The following TOMT variants were observed in gnomAD, a reference collection of about 807,000 sequenced individuals.
TOMT encodes transmembrane O-methyltransferase.
TOMT carries 23 observed loss-of-function variants against 21.7 expected under a neutral mutation model. The observed-to-expected ratio is 1.06, with a 90% CI of 0.76 to 1.50. The LOEUF is 1.50. Among genes scored for constraint, TOMT ranks in the 40% most tolerant of loss-of-function variants. The pLI is 0.00. For missense variants in TOMT, 331 were observed against 348.7 expected (o/e 0.95, Z 0.41); for synonymous variants, 132 against 150.8 (o/e 0.88, Z 0.91).
rs190770810 is a variant in TOMT, at chr11:72,106,582, A to C, written c.259+372A>C. On this transcript the variant is annotated intron_variant, in intron 1 of 2. Coordinates refer to ENST00000541899, the Ensembl canonical transcript of TOMT. ...TCCTCTCCACCATGGAGGCTTCCACATACCATTTAGGGTAGCTGTCTGCCT... is the reference window on the plus strand; with the variant it reads ...TCCTCTCCACCATGGAGGCTTCCACCTACCATTTAGGGTAGCTGTCTGCCT... 555 of 168,432 alleles carry C rather than the reference A, an allele frequency of 3.3e-3. 4 individuals carry two copies. Among genetic ancestry groups the C allele is most frequent in the African/African-American group, 0.013 (535 of 42,214 alleles). 10.4% of individuals were successfully genotyped at this position (168,432 alleles called of 1,614,324 possible).
At position 72,108,602 on chromosome 11, in the gene TOMT, C is replaced by T; in HGVS notation, c.457-3C>T. The T allele has an allele frequency of 2.1e-6, 3 of 1,453,372 alleles. No homozygotes were observed. The highest frequency in any genetic ancestry group is 2.9e-5 in the South Asian group (2 of 68,794). The allele number at this position is 1,453,372 out of a possible 1,614,324, so 90.0% of individuals were successfully genotyped here. A position where few individuals can be genotyped will look rare whatever the true frequency, so the allele number is the denominator to read the frequency against. On this transcript the variant is annotated splice_polypyrimidine_tract_variant and splice_region_variant and intron_variant, in intron 2 of 2. Transcript: ENST00000541899. ...TCACCTCCAGCTCCCCCTATCCCCA[C>T]AGGTGGAGCTCATCGTGGGCAGCTC...
chr11:72,108,158 C>T (rs1372151951), intron 2 of TOMT, 39 bp downstream of exon 2: 1 of 1,450,754 alleles, frequency 6.9e-7, no homozygotes, highest in Non-Finnish European at 9.1e-7. Flanking sequence ...TTTTGTCACC[C>T]CAGGCCTTGC....
Position 72,108,122 on chromosome 11 carries a change from C to A in TOMT, c.456+3C>A. ...TGGCCGGCTTTGATGAGCACATGGT[C>A]AGCCTCCCATCTCCCCAACCCAGAT... On this transcript the variant is annotated splice_donor_region_variant and intron_variant, in intron 2 of 2. Coordinates refer to ENST00000541899, the Ensembl canonical transcript of TOMT. The A allele has an allele frequency of 1.3e-6, 2 of 1,495,978 alleles. No individual in the cohort carries two copies. Among genetic ancestry groups the A allele is most frequent in the South Asian group, 1.3e-5 (1 of 75,684 alleles). 92.7% of individuals were successfully genotyped at this position (1,495,978 alleles called of 1,614,324 possible). A position where few individuals can be genotyped will look rare whatever the true frequency, so the allele number is the denominator to read the frequency against.
chr11:72,107,884 A>G, intron 1 of TOMT, 39 bp from the exon 2 acceptor site: 1 of 1,550,008 alleles, frequency 6.5e-7, no homozygotes, highest in Non-Finnish European at 8.7e-7. Flanking sequence ...CCCTGCATCC[A>G]TCTCCCATGT....
At chr11:72,106,154 C>A (rs967095444) in exon 1 of TOMT, 3 of 1,530,292 alleles carry the variant, frequency 2.0e-6, no homozygotes, top group African/African-American at 1.4e-5. Context: ...ATCCTCACCA[C>A]CCTGGACCAC....
exon 2 of TOMT, chr11:72,107,951 G>A: frequency 6.4e-7 from 1 of 1,551,740 alleles, no homozygotes; most frequent in Non-Finnish European, 8.7e-7. Flanking sequence ...TGGTGGAGGA[G>A]AAGGCCCCTG....
At chr11:72,109,297 C>A in exon 3 of TOMT, 1 of 472,518 alleles carries the variant, frequency 2.1e-6, no homozygotes, top group Non-Finnish European at 4.2e-6. Flanking sequence ...AGGGGCCTCC[C>A]AGTTCTCGGC....
chr11:72,107,479 G>A, intron 1 of TOMT: 1 of 702,890 alleles, frequency 1.4e-6, no homozygotes, highest in Admixed American at 2.0e-5. Flanking sequence ...GATGGGGGTG[G>A]GAAGGGCAAA....
intron 1 of TOMT, chr11:72,106,418 G>T (rs1945697788): frequency 5.6e-6 from 3 of 536,852 alleles, no homozygotes; most frequent in Non-Finnish European, 9.2e-6. Context: ...TTAGGAATGT[G>T]CTAGGTGCCA....
At chr11:72,107,261 G>A in intron 1 of TOMT, 1 of 599,252 alleles carries the variant, frequency 1.7e-6, no homozygotes, top group Admixed American at 2.9e-5. Context: ...AGCAAGACTT[G>A]GTCTCAAAAA....
intron 1 of TOMT, chr11:72,107,112 T>A (rs1945763688): frequency 3.3e-6 from 1 of 304,768 alleles, no homozygotes; most frequent in Non-Finnish European, 6.0e-6. Context: ...ACAAAAAATT[T>A]AAAAATTAGC....
chr11:72,107,127 T>G, intron 1 of TOMT: 1 of 345,254 alleles, frequency 2.9e-6, no homozygotes, highest in Non-Finnish European at 5.2e-6. Context: ...ATTAGCCGGG[T>G]GTGGTGGTGA....
chr11:72,105,989 TG>T lies in TOMT; in HGVS notation c.40del (p.Val14Ter), dbSNP rs1180476718. 1 of 1,550,478 alleles carries T rather than the reference TG, an allele frequency of 6.4e-7. No homozygotes were observed. The highest frequency in any genetic ancestry group is 2.0e-5 in the Admixed American group (1 of 51,000). ...ATTGCATTGGCCTTCCTGCCACTGG[TG>T]GTAACATTGCTGGTGCGGTACCGGC... is the stretch of plus-strand genomic sequence containing the variant. On this transcript the variant is annotated frameshift_variant, in exon 1 of 3. Transcript: ENST00000541899. LOFTEE classifies it high-confidence loss of function.
In TOMT at chr11:72,107,918, C is replaced by T; in HGVS notation, c.260-5C>T. 5 of 1,551,746 alleles carry T rather than the reference C, an allele frequency of 3.2e-6. No individual in the cohort carries two copies. Among genetic ancestry groups the T allele is most frequent in the Non-Finnish European group, 4.4e-6 (5 of 1,146,972 alleles). ...GTCTTCTGCAACAGCCATCTCCCCT[C>T]ATAGGTCAGATCCTGATGCGGCTGG... On this transcript the variant is annotated splice_polypyrimidine_tract_variant and splice_region_variant and intron_variant, in intron 1 of 2. Coordinates refer to ENST00000541899, the Ensembl canonical transcript of TOMT.
chr11:72,108,237 T>C (rs1945913769), intron 2 of TOMT, 118 bp downstream of exon 2: 1 of 883,608 alleles, frequency 1.1e-6, no homozygotes, highest in African/African-American at 1.7e-5. Context: ...GGGACTGTGA[T>C]GCTGGATGGT....
At position 72,107,086 on chromosome 11, in the gene TOMT, C is replaced by T. The variant is rs150946202; in HGVS notation, c.260-837C>T. On this transcript the variant is annotated intron_variant, in intron 1 of 2. Coordinates refer to ENST00000541899, the Ensembl canonical transcript of TOMT. ...TTCGAGACTAGCCTGGGTAACAAAG[C>T]AAGACCCCCGTTTCTACAAAAAATT... 2.1e-3 allele frequency: 526 copies of T among 256,288 alleles called. 2 individuals are homozygous for T. The highest frequency in any genetic ancestry group is 0.02 in the East Asian group (238 of 11,848). 15.9% of individuals were successfully genotyped at this position (256,288 alleles called of 1,614,324 possible).
At chr11:72,108,578 C>G in intron 2 of TOMT, 27 bp from the exon 3 acceptor site, 1 of 1,438,406 alleles carries the variant, frequency 7.0e-7, no homozygotes, top group Non-Finnish European at 9.1e-7. Flanking sequence ...CCCCCACCCT[C>G]ACCTCCAGCT....
exon 2 of TOMT, chr11:72,107,994 T>C: frequency 6.4e-7 from 1 of 1,551,740 alleles, no homozygotes. Context: ...CTACTGTGGA[T>C]ACTCTACCCT....
At chr11:72,106,061 G>C (rs188715129) in exon 1 of TOMT, 2 of 1,550,754 alleles carry the variant, frequency 1.3e-6, no homozygotes, top group African/African-American at 2.7e-5. Context: ...CGAAGCCTCC[G>C]AGACTGCCTG....
Sources: allele counts gnomAD v4.1 joint callset, GRCh38; gene constraint gnomAD v4.1.1; transcripts MANE v1.5; gene names NCBI Gene and HGNC (gene_info 2026-07-23, HGNC 2026-07-21).